PALM2AKAP2: variants seen among roughly 807,000 people sequenced by gnomAD.
PALM2AKAP2 encodes the protein PALM2 and AKAP2 fusion, also known as PALM2-AKAP2 fusion protein.
Under a neutral mutation model 71.5 loss-of-function variants are expected in PALM2AKAP2, and 37 were observed. The observed-to-expected ratio is 0.52, with a 90% CI of 0.40 to 0.68. PALM2AKAP2 has a LOEUF of 0.68. Among genes scored for constraint, PALM2AKAP2 ranks in the 30% least tolerant of loss-of-function variants. PALM2AKAP2 has a pLI of 0.00. For missense variants in PALM2AKAP2, 1,224 were observed against 1,191.8 expected (o/e 1.03, Z -0.40); for synonymous variants, 468 against 478.8 (o/e 0.98, Z 0.29).
chr9:109,993,184 T>TAAAA (rs3063883), intron 6 of PALM2AKAP2, among the ~76,000 whole-genome samples: 46 of 138,810 alleles, frequency 3.3e-4, no homozygotes, highest in African/African-American at 7.8e-4. Flanking sequence ...CAAAGTGCCT[T>TAAAA]AAAAAAAAAA....
intron 1 of PALM2AKAP2, among the ~76,000 whole-genome samples, chr9:109,782,829 G>A (rs971272663): frequency 1.3e-5 from 2 of 151,524 alleles, no homozygotes; most frequent in Non-Finnish European, 2.9e-5. Context: ...GTTGGGTGGG[G>A]GGACTTATGG....
intron 1 of PALM2AKAP2, among the ~76,000 whole-genome samples, chr9:109,649,548 G>A (rs7049117): frequency 0.097 from 14,741 of 152,154 alleles, 843 homozygotes; most frequent in South Asian, 0.2. Context: ...ATGGAGAGTA[G>A]TTTATCAGAA....
chr9:110,147,280 G>A (rs895802094), intron 2 of PALM2AKAP2, among the ~76,000 whole-genome samples: 1 of 151,612 alleles, frequency 6.6e-6, no homozygotes, highest in African/African-American at 2.4e-5. Flanking sequence ...ATGTGTGATG[G>A]TCAGGGAGAA....
At chr9:109,988,805 A>G (rs769751668) in intron 6 of PALM2AKAP2, among the ~76,000 whole-genome samples, 2 of 152,244 alleles carry the variant, frequency 1.3e-5, no homozygotes, top group African/African-American at 2.4e-5. Flanking sequence ...GTATCTTTGA[A>G]TTGTAGCTCC....
intron 1 of PALM2AKAP2, among the ~76,000 whole-genome samples, chr9:110,133,053 T>C (rs1835769989): frequency 6.6e-6 from 1 of 152,202 alleles, no homozygotes; most frequent in Non-Finnish European, 1.5e-5. Context: ...CAAATTGTTG[T>C]CTTAGATTTT....
intron 6 of PALM2AKAP2, among the ~76,000 whole-genome samples, chr9:110,007,330 G>A (rs943573625): frequency 1.3e-5 from 2 of 152,146 alleles, no homozygotes; most frequent in African/African-American, 4.8e-5. Context: ...CCACCTGCAG[G>A]TAAAAGCATT....
chr9:110,004,402 G>A (rs1042430639), intron 6 of PALM2AKAP2, among the ~76,000 whole-genome samples: 3 of 152,226 alleles, frequency 2.0e-5, no homozygotes, highest in African/African-American at 7.2e-5. Flanking sequence ...GAGATCAACT[G>A]TTAGTCTGCT....
chr9:109,785,677 T>C (rs1447077109), intron 1 of PALM2AKAP2, among the ~76,000 whole-genome samples: 2 of 152,182 alleles, frequency 1.3e-5, no homozygotes, highest in African/African-American at 2.4e-5. Context: ...GTGAGACTGA[T>C]TCACTATCAC....
intron 1 of PALM2AKAP2, among the ~76,000 whole-genome samples, chr9:109,714,399 ATTGCCTCTTGGATGGTC>A (rs1436236921): frequency 6.6e-6 from 1 of 152,154 alleles, no homozygotes; most frequent in Non-Finnish European, 1.5e-5. Context: ...GGCTACTCTG[ATTGCCTCTTGGATGGTC>A]TTCTTATCTT....
chr9:109,806,722 C>CA (rs1234951534), intron 1 of PALM2AKAP2, among the ~76,000 whole-genome samples: 7 of 152,004 alleles, frequency 4.6e-5, no homozygotes, highest in African/African-American at 1.7e-4. Flanking sequence ...TTAGTGTGTT[C>CA]AAAAAGCAAA....
At chr9:110,088,184 T>C (rs1171629176) in intron 1 of PALM2AKAP2, among the ~76,000 whole-genome samples, 4 of 151,364 alleles carry the variant, frequency 2.6e-5, no homozygotes, top group African/African-American at 9.8e-5. Flanking sequence ...GGTTACAGAA[T>C]TGTCTGGGGT....
chr9:109,809,063 T>C (rs1827656881), intron 1 of PALM2AKAP2, among the ~76,000 whole-genome samples: 1 of 152,176 alleles, frequency 6.6e-6, no homozygotes, highest in Non-Finnish European at 1.5e-5. Context: ...GGTGGGGCCC[T>C]CATGGAGAAC....
intron 6 of PALM2AKAP2, among the ~76,000 whole-genome samples, chr9:109,986,839 A>C (rs886332073): frequency 6.6e-6 from 1 of 152,196 alleles, no homozygotes; most frequent in African/African-American, 2.4e-5. Context: ...TGGAATGACT[A>C]GTTCTAGAAG....
chr9:109,656,974 A>T (rs1290093201), intron 1 of PALM2AKAP2, among the ~76,000 whole-genome samples: 1 of 152,228 alleles, frequency 6.6e-6, no homozygotes, highest in Non-Finnish European at 1.5e-5. Flanking sequence ...GTCCCTCCCA[A>T]CTATATTGAA....
chr9:110,112,883 T>C (rs1253581025), intron 1 of PALM2AKAP2, among the ~76,000 whole-genome samples: 2 of 152,248 alleles, frequency 1.3e-5, no homozygotes, highest in African/African-American at 4.8e-5. Context: ...TAAATGTAAT[T>C]ATGCATAAAA....
At chr9:109,649,086 A>G (rs1309122004) in intron 1 of PALM2AKAP2, among the ~76,000 whole-genome samples, 4 of 151,932 alleles carry the variant, frequency 2.6e-5, no homozygotes, top group African/African-American at 9.7e-5. Context: ...ATGCTGATCA[A>G]GTTATTTTTA....
intron 6 of PALM2AKAP2, among the ~76,000 whole-genome samples, chr9:110,001,785 A>G (rs150780486): frequency 0.018 from 2,814 of 152,232 alleles, 98 homozygotes; most frequent in African/African-American, 0.064. Context: ...AATTGTGAAT[A>G]GGAGTTCACT....
chr9:109,824,535 C>T (rs763403954), intron 1 of PALM2AKAP2, among the ~76,000 whole-genome samples: 10 of 152,190 alleles, frequency 6.6e-5, no homozygotes, highest in Non-Finnish European at 1.0e-4. Flanking sequence ...AGCATATTAG[C>T]AAATACCCTG....
chr9:109,872,105 G>T (rs1291837927), intron 2 of PALM2AKAP2, among the ~76,000 whole-genome samples: 4 of 151,826 alleles, frequency 2.6e-5, no homozygotes, highest in African/African-American at 9.7e-5. Context: ...CCATTAATCT[G>T]CCCATTCCTG....
Sources: gnomAD v4.1 joint callset for allele counts (sites outside exome capture counted in the v4.1 genomes callset) on GRCh38, gnomAD v4.1.1 for gene constraint, MANE v1.5 for transcripts, NCBI Gene and HGNC (gene_info 2026-07-23, HGNC 2026-07-21) for gene names.